NUS1: variants seen among roughly 807,000 people sequenced by gnomAD.
NUS1 encodes the protein NUS1 dehydrodolichyl diphosphate synthase subunit, also known as dehydrodolichyl diphosphate synthase complex subunit NUS1.
For synonymous variants in NUS1, 135 were observed against 155.2 expected (o/e 0.87, Z 0.97); for missense variants, 292 against 382.9 (o/e 0.76, Z 1.98).
intron 1 of NUS1, among the ~76,000 whole-genome samples, chr6:117,685,404 G>A (rs1773122463): frequency 6.6e-6 from 1 of 151,240 alleles, no homozygotes; most frequent in Admixed American, 6.6e-5. Context: ...TTAGAGACAG[G>A]GTCTTACTTT....
At chr6:117,696,514 A>C (rs563346445) in intron 3 of NUS1, among the ~76,000 whole-genome samples, 2 of 152,270 alleles carry the variant, frequency 1.3e-5, no homozygotes, top group African/African-American at 4.8e-5. Flanking sequence ...AATGGATCCT[A>C]AAAGCAACAA....
chr6:117,708,066 A>G lies in NUS1; in HGVS notation c.*1051A>G, dbSNP rs1484379236. 2.0e-5 allele frequency: 3 copies of G among 152,202 alleles called. No homozygotes were observed. Among genetic ancestry groups the G allele is most frequent in the Admixed American group, 1.3e-4 (2 of 15,258 alleles). 9.4% of individuals were successfully genotyped at this position (152,202 alleles called of 1,614,324 possible). A position where few individuals can be genotyped will look rare whatever the true frequency, so the allele number is the denominator to read the frequency against. ...GTAACCTGTTCCTCTTTGGAATAGC[A>G]CATTTTAGGGGCATGGTTAATACCT... is the stretch of plus-strand genomic sequence containing the variant. On this transcript the variant is annotated 3_prime_UTR_variant, in exon 5 of 5. Coordinates refer to ENST00000368494, the MANE Select transcript of NUS1 (RefSeq NM_138459.5).
chr6:117,687,580 A>C (rs146580835), intron 1 of NUS1, among the ~76,000 whole-genome samples: 4 of 152,326 alleles, frequency 2.6e-5, no homozygotes, highest in Non-Finnish European at 5.9e-5. Context: ...TGGCCTGTGA[A>C]GAATTAGGAG....
chr6:117,676,049 G>C lies in NUS1; in HGVS notation c.379G>C (p.Val127Leu). 1 of 1,550,610 alleles carries C rather than the reference G, an allele frequency of 6.4e-7. No homozygotes were observed. The highest frequency in any genetic ancestry group is 8.7e-7 in the Non-Finnish European group (1 of 1,147,210). ...IASLVVWCMA[V>L]GISYISVYDH... is the part of the protein sequence containing the mutation. ...GAGCCTCGTGGTGTGGTGTATGGCC[G>C]TGGGCATCTCCTACATTAGCGTCTA... Residue 127 changes from valine (V) to leucine (L), a missense_variant, in exon 1 of 5, where the codon GTG becomes CTG. Coordinates refer to ENST00000368494, the MANE Select transcript of NUS1 (RefSeq NM_138459.5).
At position 117,706,855 on chromosome 6, in the gene NUS1, T is replaced by A. The variant is rs991065332; in HGVS notation, c.792-70T>A. ...CTATTCTTAACTTCTTTTTGGTCCT[T>A]ATCTTCTGGTTCCCCCCTACATTAC... is the stretch of plus-strand genomic sequence containing the variant. On this transcript the variant is annotated intron_variant, in intron 4 of 4. Coordinates refer to ENST00000368494, the MANE Select transcript of NUS1 (RefSeq NM_138459.5). 4 of 1,236,438 alleles carry A rather than the reference T, an allele frequency of 3.2e-6. No individual in the cohort carries two copies. The African/African-American group carries it at 5.9e-5, about 18-fold the overall frequency. The allele number at this position is 1,236,438 out of a possible 1,614,324, so 76.6% of individuals were successfully genotyped here. A position where few individuals can be genotyped will look rare whatever the true frequency, so the allele number is the denominator to read the frequency against.
At chr6:117,697,583 G>T (rs1773338246) in intron 3 of NUS1, among the ~76,000 whole-genome samples, 1 of 151,970 alleles carries the variant, frequency 6.6e-6, no homozygotes, top group Non-Finnish European at 1.5e-5. Context: ...TAGTGATAAA[G>T]GGGTCATTTT....
chr6:117,693,915 G>T (rs1029804974), intron 2 of NUS1, 116 bp from the exon 3 acceptor site: 89 of 1,133,666 alleles, frequency 7.9e-5, no homozygotes, highest in Non-Finnish European at 1.0e-4. Context: ...AAAAATTCTT[G>T]TTTACTGTAA....
At chr6:117,706,857 T>A in intron 4 of NUS1, 68 bp from the exon 5 acceptor site, 1 of 1,254,614 alleles carries the variant, frequency 8.0e-7, no homozygotes. Context: ...TTGGTCCTTA[T>A]CTTCTGGTTC....
At chr6:117,678,938 T>G (rs1411588276) in intron 1 of NUS1, among the ~76,000 whole-genome samples, 4 of 152,174 alleles carry the variant, frequency 2.6e-5, no homozygotes, top group Admixed American at 6.5e-5. Flanking sequence ...TGCCTCAGCC[T>G]CCCAAAGTGC....
intron 1 of NUS1, among the ~76,000 whole-genome samples, chr6:117,683,062 T>G (rs1238576263): frequency 1.3e-5 from 2 of 152,206 alleles, no homozygotes; most frequent in Non-Finnish European, 2.9e-5. Context: ...TGCTCCAGCT[T>G]TGTGTTGAGC....
intron 3 of NUS1, among the ~76,000 whole-genome samples, chr6:117,699,776 T>C (rs2114691397): frequency 6.6e-6 from 1 of 152,172 alleles, no homozygotes. Context: ...TACTTATAGT[T>C]ACCAAAACAG....
intron 4 of NUS1, among the ~76,000 whole-genome samples, chr6:117,706,190 T>G (rs555264238): frequency 6.6e-6 from 1 of 152,340 alleles, no homozygotes; most frequent in East Asian, 1.9e-4. Context: ...TCTGATTGTG[T>G]ATTCAGTCTA....
In NUS1 at chr6:117,675,568, G is replaced by C; in HGVS notation, c.-103G>C. 1 of 1,214,454 alleles carries C rather than the reference G, an allele frequency of 8.2e-7. No individual in the cohort carries two copies. The highest frequency in any genetic ancestry group is 1.1e-6 in the Non-Finnish European group (1 of 873,338). The allele number at this position is 1,214,454 out of a possible 1,614,324, so 75.2% of individuals were successfully genotyped here. On this transcript the variant is annotated 5_prime_UTR_variant, in exon 1 of 5. Coordinates refer to ENST00000368494, the MANE Select transcript of NUS1 (RefSeq NM_138459.5). ...AGGGGTTCGGGCTCGGGGGGCGGGG[G>C]GACGCGGAGCGATGGCCCGCGCCGG...
At chr6:117,692,163 C>G (rs949473613) in intron 1 of NUS1, among the ~76,000 whole-genome samples, 18 of 152,006 alleles carry the variant, frequency 1.2e-4, no homozygotes, top group Admixed American at 1.2e-3. Context: ...AAGATTTAAG[C>G]AGCTTTATAT....
chr6:117,690,852 G>A (rs1773205906), intron 1 of NUS1, among the ~76,000 whole-genome samples: 1 of 151,710 alleles, frequency 6.6e-6, no homozygotes, highest in Admixed American at 6.6e-5. Context: ...AATTAGCCGG[G>A]CATGGTGGCG....
chr6:117,676,655 T>C (rs1304695899), intron 1 of NUS1, among the ~76,000 whole-genome samples: 1 of 152,204 alleles, frequency 6.6e-6, no homozygotes, highest in African/African-American at 2.4e-5. Flanking sequence ...TAGATGGTAT[T>C]TGTATACCCT....
chr6:117,676,149 GCGGGTGGTGC>G, intron 1 of NUS1, 64 bp downstream of exon 1: 1 of 1,547,034 alleles, frequency 6.5e-7, no homozygotes, highest in Non-Finnish European at 8.7e-7. Flanking sequence ...CGCTGGTCTG[GCGGGTGGTGC>G]CCATGGCACG....
At chr6:117,705,125 C>T (rs1004930361) in intron 4 of NUS1, among the ~76,000 whole-genome samples, 1 of 152,144 alleles carries the variant, frequency 6.6e-6, no homozygotes, top group South Asian at 2.1e-4. Flanking sequence ...CTGGTCCCAC[C>T]TTCTCATTTT....
rs1773530289 is a variant in NUS1 at position 117,708,378 on chromosome 6, A to AC, written c.*1364dup. 1 of 152,478 alleles carries AC rather than the reference A, an allele frequency of 6.6e-6. No individual in the cohort carries two copies. The highest frequency in any genetic ancestry group is 1.5e-5 in the Non-Finnish European group (1 of 67,968). 9.4% of individuals were successfully genotyped at this position (152,478 alleles called of 1,614,324 possible). A position where few individuals can be genotyped will look rare whatever the true frequency, so the allele number is the denominator to read the frequency against. On this transcript the variant is annotated 3_prime_UTR_variant, in exon 5 of 5. Coordinates refer to ENST00000368494, the MANE Select transcript of NUS1 (RefSeq NM_138459.5). ...AAACCCTTATCAACAAGTGTACAATACTTATCTAAAACTATACATTTAGAA... is the reference window on the plus strand; with the variant it reads ...AAACCCTTATCAACAAGTGTACAATACCTTATCTAAAACTATACATTTAGAA...
Sources: gnomAD v4.1 joint callset for allele counts (sites outside exome capture counted in the v4.1 genomes callset) on GRCh38, gnomAD v4.1.1 for gene constraint, MANE v1.5 for transcripts, NCBI Gene and HGNC (gene_info 2026-07-23, HGNC 2026-07-21) for gene names.